ABHD17A: variants seen among roughly 807,000 people sequenced by gnomAD.
ABHD17A encodes abhydrolase domain containing 17A, depalmitoylase, also known as alpha/beta hydrolase domain-containing protein 17A.
In ABHD17A, 10 loss-of-function variants were observed where a neutral mutation model predicts 26.8. The observed-to-expected ratio is 0.37, with a 90% CI of 0.23 to 0.63. The LOEUF (loss-of-function observed/expected upper bound fraction) is 0.63. ABHD17A is among the 30% of genes least tolerant of loss of function. The pLI is 0.61. For missense variants in ABHD17A, 292 were observed against 457.3 expected (o/e 0.64, Z 3.30); for synonymous variants, 167 against 210.9 (o/e 0.79, Z 1.80).
Position 1,877,384 on chromosome 19 carries a change from A to G in ABHD17A, c.749T>C (p.Ile250Thr). 1 of 1,562,514 alleles carries G rather than the reference A, an allele frequency of 6.4e-7. No homozygotes were observed. The change falls in exon 5 of 5, where the codon ATC becomes ACC. Residue 250 changes from isoleucine to threonine, a missense_variant. This residue lies in a region of ABHD17A where 88 missense variants were observed against 134.3 expected (regional missense o/e 0.66). Transcript: ENST00000292577. ...VSKITSPVLI[I>T]HGTEDEVIDF... ...GATCACCTCGTCCTCCGTGCCGTGG[A>G]TGATGAGCACGGGAGACGTGATCTT...
intron 4 of ABHD17A, 35 bp from the exon 5 acceptor site, chr19:1,877,460 G>GCCCGGCCCGGGCCCCGC (rs979544386): frequency 6.4e-7 from 1 of 1,569,082 alleles, no homozygotes; most frequent in Non-Finnish European, 8.6e-7. Flanking sequence ...GAGACTTCGC[G>GCCCGGCCCGGGCCCCGC]CCCGGCCCGG....
chr19:1,881,365 G>C lies in ABHD17A; in HGVS notation c.202C>G (p.Leu68Val), dbSNP rs2012523142. The change falls in exon 2 of 5, where the codon CTG (leucine) becomes GTG (valine). Residue 68 changes from leucine (L) to valine (V), a missense_variant. This residue lies in a region of ABHD17A where 171 missense variants were observed against 216.1 expected (regional missense o/e 0.79). Coordinates refer to ENST00000292577, the MANE Select transcript of ABHD17A (RefSeq NM_001130111.2). Reference sequence around the variant, plus strand: ...AAGTCGGCACGCTCCGTCAGGTGCAGCTTCCAGCGCCCGGGTGCGCCCGAG... The same window carrying C: ...AAGTCGGCACGCTCCGTCAGGTGCACCTTCCAGCGCCCGGGTGCGCCCGAG... Reference protein sequence around the residue: ...ASSGAPGRWKLHLTERADFQY... With the variant: ...ASSGAPGRWKVHLTERADFQY... 8 of 1,608,216 alleles carry C rather than the reference G, an allele frequency of 5.0e-6. No individual in the cohort carries two copies. The highest frequency in any genetic ancestry group is 6.8e-6 in the Non-Finnish European group (8 of 1,179,484).
intron 1 of ABHD17A, chr19:1,882,787 G>T (rs553834875): frequency 6.6e-6 from 1 of 152,054 alleles, no homozygotes; most frequent in Non-Finnish European, 1.5e-5. Context: ...TCTATCTACC[G>T]ACCACGCTTC....
At position 1,876,936 on chromosome 19, in the gene ABHD17A, G is replaced by A. The variant is rs893019349; in HGVS notation, c.*264C>T. 7.9e-5 allele frequency: 39 copies of A among 496,178 alleles called. No homozygotes were observed. The highest frequency in any genetic ancestry group is 1.4e-4 in the Non-Finnish European group (38 of 278,614). The allele number at this position is 496,178 out of a possible 1,614,324, so 30.7% of individuals were successfully genotyped here. A position where few individuals can be genotyped will look rare whatever the true frequency, so the allele number is the denominator to read the frequency against. On this transcript the variant is annotated 3_prime_UTR_variant, in exon 5 of 5. Transcript: ENST00000292577. ...CCCCTTTCGAGCTCGCTGAGCGCTCGAGAGAGTGAGCAGAGCCATGAAAGG... is the reference window on the plus strand; with the variant it reads ...CCCCTTTCGAGCTCGCTGAGCGCTCAAGAGAGTGAGCAGAGCCATGAAAGG...
Position 1,877,632 on chromosome 19 carries a change from G to C in ABHD17A, c.583C>G (p.Pro195Ala). The change falls in exon 4 of 5, where the codon CCC (proline) becomes GCC (alanine). Residue 195 changes from proline to alanine, a missense_variant. By Grantham distance (27) the Pro-to-Ala change is conservative. Around this residue, in one of 4 missense-constraint regions of ABHD17A, gnomAD observed 8 missense variants for 66.6 expected, o/e 0.12. Transcript: ENST00000292577. ...TAGCGCGAGGCCAGGTCCACGGTGG[G>C]CACCGTGCCGATGCTCTGCCCGTAC... ...ILYGQSIGTVPTVDLASRYEC... is the reference protein window; with the variant it reads ...ILYGQSIGTVATVDLASRYEC... 2 of 1,591,650 alleles carry C rather than the reference G, an allele frequency of 1.3e-6. No homozygotes were observed. Among genetic ancestry groups the C allele is most frequent in the Non-Finnish European group, 8.5e-7 (1 of 1,177,068 alleles).
At position 1,880,779 on chromosome 19, in the gene ABHD17A, C is replaced by G; in HGVS notation, c.332+456G>C. ...GAGCTGCCCCAGGTGGTGCCAGGAG[C>G]AGGTGGCCAGGCTGGCCCTGCCATG... On this transcript the variant is annotated intron_variant, in intron 2 of 4. Transcript: ENST00000292577. This position sits in a 1 kb window ranked among gnomAD's most constrained non-coding sequence, Gnocchi z 4.1. 2.1e-6 allele frequency: 3 copies of G among 1,430,672 alleles called. No homozygotes were observed. The African/African-American group carries it at 4.3e-5, about 20-fold the overall frequency. The allele number at this position is 1,430,672 out of a possible 1,614,324, so 88.6% of individuals were successfully genotyped here. A position where few individuals can be genotyped will look rare whatever the true frequency, so the allele number is the denominator to read the frequency against.
At chr19:1,883,572 G>C (rs1451928221) in intron 1 of ABHD17A, 1 of 152,322 alleles carries the variant, frequency 6.6e-6, no homozygotes, top group Non-Finnish European at 1.5e-5. Context: ...GAGGTGGCCA[G>C]GGCCCCACTA....
At position 1,885,405 on chromosome 19, in the gene ABHD17A, C is replaced by A. The variant is rs1376043343; in HGVS notation, c.-292G>T. 2.2e-4 allele frequency: 33 copies of A among 152,490 alleles called. No individual in the cohort carries two copies. The South Asian group carries it at 5.9e-3, about 27-fold the overall frequency. The allele number at this position is 152,490 out of a possible 1,614,324, so 9.4% of individuals were successfully genotyped here. On this transcript the variant is annotated 5_prime_UTR_variant, in exon 1 of 5. Transcript: ENST00000292577. ...GGCCGCGCTCCATGGCTCCCGGCCG[C>A]CCGCCCGTGCGTCCGTCGGTCCCTC... is the stretch of plus-strand genomic sequence containing the variant.
chr19:1,877,232 T>C lies in ABHD17A; in HGVS notation c.901A>G (p.Ile301Val). The C allele has an allele frequency of 6.5e-7, 1 of 1,533,554 alleles. No individual in the cohort carries two copies. Among genetic ancestry groups the C allele is most frequent in the Non-Finnish European group, 8.8e-7 (1 of 1,139,274 alleles). 95.0% of individuals were successfully genotyped at this position (1,533,554 alleles called of 1,614,324 possible). ...CGCTGGCTGGGCAGCTCCTGGGAGA[T>C]GAAGCGACGCAGGCGCTCCAGGTAC... Reference protein sequence around the residue: ...SQYLERLRRFISQELPSQRA With the variant: ...SQYLERLRRFVSQELPSQRA The change falls in exon 5 of 5, where the codon ATC (isoleucine) becomes GTC (valine). Residue 301 changes from isoleucine (I) to valine (V), a missense_variant. This residue lies in a region of ABHD17A where 88 missense variants were observed against 134.3 expected (regional missense o/e 0.66). Coordinates refer to ENST00000292577, the MANE Select transcript of ABHD17A (RefSeq NM_001130111.2).
intron 2 of ABHD17A, 82 bp downstream of exon 2, chr19:1,881,153 C>T (rs2012513938): frequency 6.3e-7 from 1 of 1,578,574 alleles, no homozygotes; most frequent in Non-Finnish European, 8.6e-7. Flanking sequence ...GGGGGCACCA[C>T]CAACCACACC....
intron 1 of ABHD17A, chr19:1,882,947 C>G (rs1226266425): frequency 6.6e-6 from 1 of 152,250 alleles, no homozygotes; most frequent in African/African-American, 2.4e-5. Flanking sequence ...GATGGACATG[C>G]AGGCAGCTGC....
Position 1,876,825 on chromosome 19 carries a change from C to A in ABHD17A, c.*375G>T. The A allele has an allele frequency of 4.0e-6, 1 of 251,622 alleles. No individual in the cohort carries two copies. The highest frequency in any genetic ancestry group is 7.8e-6 in the Non-Finnish European group (1 of 128,310). 15.6% of individuals were successfully genotyped at this position (251,622 alleles called of 1,614,324 possible). A position where few individuals can be genotyped will look rare whatever the true frequency, so the allele number is the denominator to read the frequency against. Reference sequence around the variant, plus strand: ...GGGCTCCCCGGACTAGACAGAGACCCACCCCACTTCCGCAGAGTAAAACCT... The same window carrying A: ...GGGCTCCCCGGACTAGACAGAGACCAACCCCACTTCCGCAGAGTAAAACCT... On this transcript the variant is annotated 3_prime_UTR_variant, in exon 5 of 5. Transcript: ENST00000292577.
At position 1,880,004 on chromosome 19, in the gene ABHD17A, G is replaced by A. The variant is rs771001154; in HGVS notation, c.444C>T (p.Ser148=). 27 of 1,613,256 alleles carry A rather than the reference G, an allele frequency of 1.7e-5. No homozygotes were observed. Among genetic ancestry groups the A allele is most frequent in the South Asian group, 1.4e-4 (13 of 91,086 alleles). The part of the protein sequence containing the change: ...LHCNIFSYDY[S]GYGASSGRPS... Reference sequence around the variant, plus strand: ...GCCTGCCCGAGCTGGCACCGTAGCCGGAGTAGTCGTAGGAGAAGATGTTGC... The same window carrying A: ...GCCTGCCCGAGCTGGCACCGTAGCCAGAGTAGTCGTAGGAGAAGATGTTGC... Residue 148 remains serine (S), a synonymous_variant, in exon 3 of 5, where the codon TCC becomes TCT. Coordinates refer to ENST00000292577, the MANE Select transcript of ABHD17A (RefSeq NM_001130111.2). The surrounding 1 kb of genome is among the most constrained non-coding windows in gnomAD (Gnocchi z 4.1).
At chr19:1,884,139 T>C (rs1206580929) in intron 1 of ABHD17A, among the ~76,000 whole-genome samples, 2 of 152,096 alleles carry the variant, frequency 1.3e-5, no homozygotes, top group African/African-American at 4.8e-5. Context: ...AGCTTGTATT[T>C]TTCACACGTT....
chr19:1,881,134 C>G, intron 2 of ABHD17A, 101 bp downstream of exon 2: 1 of 1,562,852 alleles, frequency 6.4e-7, no homozygotes, highest in South Asian at 1.2e-5. Context: ...ACGGCAGGCT[C>G]GGGCCCTCGG....
chr19:1,881,165 A>T (rs1353118190), intron 2 of ABHD17A, 70 bp downstream of exon 2: 1 of 1,589,862 alleles, frequency 6.3e-7, no homozygotes, highest in African/African-American at 1.3e-5. Context: ...AACCACACCA[A>T]GCACCGCAGG....
In ABHD17A at chr19:1,880,529, A is replaced by T. The variant is rs952774510; in HGVS notation, c.333-414T>A. 3.9e-5 allele frequency among the ~76,000 whole-genome samples: 6 copies of T among 152,114 alleles called. No homozygotes were observed. The highest frequency in any genetic ancestry group is 1.4e-4 in the African/African-American group (6 of 41,406). ...CCCCGGGGATGGAGCGCACAGGCCC[A>T]CCTTTCAGGACCTTCCCAGGGGAGC... On this transcript the variant is annotated intron_variant, in intron 2 of 4. Coordinates refer to ENST00000292577, the MANE Select transcript of ABHD17A (RefSeq NM_001130111.2). The surrounding 1 kb of genome is among the most constrained non-coding windows in gnomAD (Gnocchi z 4.1).
At chr19:1,884,586 G>C (rs1438471392) in intron 1 of ABHD17A, among the ~76,000 whole-genome samples, 1 of 152,166 alleles carries the variant, frequency 6.6e-6, no homozygotes, top group Non-Finnish European at 1.5e-5. Flanking sequence ...CAACCAGTCA[G>C]GGTGGGAAAC....
At chr19:1,884,098 T>C (rs1170475032) in intron 1 of ABHD17A, among the ~76,000 whole-genome samples, 1 of 152,164 alleles carries the variant, frequency 6.6e-6, no homozygotes, top group Non-Finnish European at 1.5e-5. Flanking sequence ...TCCTCAAAGC[T>C]GGGACAGGAC....
Sources: gnomAD v4.1 joint callset for allele counts (sites outside exome capture counted in the v4.1 genomes callset) on GRCh38, gnomAD v4.1.1 for gene constraint, gnomAD v4.1.1 regional missense constraint, Gnocchi (gnomAD v3.1) non-coding constraint, MANE v1.5 for transcripts, NCBI Gene and HGNC (gene_info 2026-07-23, HGNC 2026-07-21) for gene names.